ZCCHC2: variants seen among roughly 807,000 people sequenced by gnomAD.
ZCCHC2 encodes the protein zinc finger CCHC-type containing 2, also known as zinc finger CCHC domain-containing protein 2.
Under a neutral mutation model 103.6 loss-of-function variants are expected in ZCCHC2, and 39 were observed. The observed-to-expected ratio is 0.38, with a 90% CI of 0.29 to 0.49. The LOEUF (loss-of-function observed/expected upper bound fraction) is 0.49, where lower values mean the gene tolerates loss of function less well. Ranked by LOEUF, ZCCHC2 falls within the 20% of genes least tolerant of loss-of-function variation. ZCCHC2 has a pLI of 0.96. For missense variants in ZCCHC2, 1,483 were observed against 1,491.0 expected (o/e 0.99, Z 0.09); for synonymous variants, 687 against 608.9 (o/e 1.13, Z -1.89).
chr18:62,568,003 C>G (rs1916446452), intron 11 of ZCCHC2, among the ~76,000 whole-genome samples: 1 of 149,910 alleles, frequency 6.7e-6, no homozygotes. Context: ...TTCTTCCACC[C>G]CACTCTTCTG....
chr18:62,563,704 C>T (rs550018284), intron 9 of ZCCHC2, among the ~76,000 whole-genome samples: 2 of 152,290 alleles, frequency 1.3e-5, no homozygotes, highest in Non-Finnish European at 1.5e-5. Flanking sequence ...ATAATACCTT[C>T]ACTGTTTAAC....
intron 1 of ZCCHC2, among the ~76,000 whole-genome samples, chr18:62,531,726 C>T (rs957439309): frequency 2.7e-5 from 4 of 149,820 alleles, no homozygotes; most frequent in South Asian, 2.1e-4. Context: ...GCAGAGGGAT[C>T]GCTTGAGCCC....
intron 1 of ZCCHC2, among the ~76,000 whole-genome samples, chr18:62,531,059 T>TG (rs1424899313): frequency 6.8e-6 from 1 of 145,996 alleles, no homozygotes; most frequent in African/African-American, 2.5e-5. Context: ...GTTAAGCTAA[T>TG]TTTTTTTTTT....
In ZCCHC2 at chr18:62,523,916, C is replaced by G; in HGVS notation, c.492C>G (p.Phe164Leu). Residue 164 changes from phenylalanine to leucine, a missense_variant, in exon 1 of 14, where the codon TTC becomes TTG. Physicochemically the swap from Phe to Leu is conservative, Grantham distance 22. Around this residue, in one of 3 missense-constraint regions of ZCCHC2, gnomAD observed 568 missense variants for 525.1 expected, o/e 1.08. Coordinates refer to ENST00000269499, the MANE Select transcript of ZCCHC2 (RefSeq NM_017742.6). ...GLSDPGPLAD[F>L]REPAVRSRLI... ...CGGACCCGGGGCCGCTGGCCGACTTCCGAGAGCCCGCGGTGCGCTCGCGCC... is the reference window on the plus strand; with the variant it reads ...CGGACCCGGGGCCGCTGGCCGACTTGCGAGAGCCCGCGGTGCGCTCGCGCC... 1 of 1,534,480 alleles carries G rather than the reference C, an allele frequency of 6.5e-7. No homozygotes were observed. The highest frequency in any genetic ancestry group is 8.7e-7 in the Non-Finnish European group (1 of 1,143,634).
In ZCCHC2 at chr18:62,524,110, A is replaced by G. The variant is rs1424619092; in HGVS notation, c.686A>G (p.Gln229Arg). The change falls in exon 1 of 14, where the codon CAG becomes CGG. Residue 229 changes from glutamine to arginine, a missense_variant. Physicochemically the swap from Gln to Arg is conservative, Grantham distance 43. Transcript: ENST00000269499. ...CGCGGCGAGGACGGCGACGGCGAGC[A>G]GGACGCCGAGAAGGACGGCTCAGGC... Reference protein sequence around the residue: ...DERGEDGDGEQDAEKDGSGPE... With the variant: ...DERGEDGDGERDAEKDGSGPE... 11 of 1,524,442 alleles carry G rather than the reference A, an allele frequency of 7.2e-6. No homozygotes were observed. The highest frequency in any genetic ancestry group is 2.6e-5 in the East Asian group (1 of 38,192). 94.4% of individuals were successfully genotyped at this position (1,524,442 alleles called of 1,614,324 possible). A position where few individuals can be genotyped will look rare whatever the true frequency, so the allele number is the denominator to read the frequency against.
At chr18:62,570,795 C>T (rs777918217) in intron 12 of ZCCHC2, among the ~76,000 whole-genome samples, 5 of 151,970 alleles carry the variant, frequency 3.3e-5, no homozygotes, top group African/African-American at 4.8e-5. Flanking sequence ...TTCATTCTGC[C>T]GATCTCTGCT....
At chr18:62,562,063 C>G (rs1259520468) in intron 8 of ZCCHC2, among the ~76,000 whole-genome samples, 1 of 152,126 alleles carries the variant, frequency 6.6e-6, no homozygotes, top group African/African-American at 2.4e-5. Flanking sequence ...GTGGCGCAGT[C>G]TCAGCTCGCT....
At chr18:62,579,123 G>A (rs1185924470), downstream of ZCCHC2, among the ~76,000 whole-genome samples, 1 of 152,182 alleles carries the variant, frequency 6.6e-6, no homozygotes, top group African/African-American at 2.4e-5. Flanking sequence ...AAGGGGGACT[G>A]CACTCCGTGA....
chr18:62,558,971 A>T (rs1267287643), intron 7 of ZCCHC2, among the ~76,000 whole-genome samples: 1 of 152,264 alleles, frequency 6.6e-6, no homozygotes, highest in Non-Finnish European at 1.5e-5. Flanking sequence ...GTGGACAAAG[A>T]ATAGACCGTT....
chr18:62,533,664 C>G (rs369797892), intron 1 of ZCCHC2, among the ~76,000 whole-genome samples: 2 of 151,962 alleles, frequency 1.3e-5, no homozygotes, highest in East Asian at 1.9e-4. Context: ...GCCAGGAGTT[C>G]GAGACCAGCC....
chr18:62,552,518 T>A (rs1032301814), intron 5 of ZCCHC2: 1 of 152,180 alleles, frequency 6.6e-6, no homozygotes, highest in African/African-American at 2.4e-5. Context: ...GTACTGTATT[T>A]GTAAGTTTGA....
intron 12 of ZCCHC2, among the ~76,000 whole-genome samples, chr18:62,573,040 A>G (rs1255791444): frequency 6.6e-6 from 1 of 152,176 alleles, no homozygotes. Flanking sequence ...AGTAGCTTTC[A>G]TTTAATCTTT....
At chr18:62,579,065 G>A (rs1330261096), downstream of ZCCHC2, among the ~76,000 whole-genome samples, 8 of 152,150 alleles carry the variant, frequency 5.3e-5, no homozygotes, top group African/African-American at 1.7e-4. Context: ...TCCATGCCCG[G>A]CCTCCCAAGT....
intron 12 of ZCCHC2, among the ~76,000 whole-genome samples, chr18:62,573,211 A>G (rs1916659496): frequency 6.6e-6 from 1 of 152,196 alleles, no homozygotes; most frequent in Non-Finnish European, 1.5e-5. Context: ...TAGGCACTAC[A>G]TTTTAATGGA....
chr18:62,573,122 G>A (rs1014872136), intron 12 of ZCCHC2, among the ~76,000 whole-genome samples: 3 of 152,060 alleles, frequency 2.0e-5, no homozygotes, highest in African/African-American at 7.2e-5. Context: ...AATATAAACA[G>A]TTCATACCTT....
rs181860499 is a variant in ZCCHC2 at position 62,543,844 on chromosome 18, T to G, written c.1129-958T>G. 5.5e-3 allele frequency among the ~76,000 whole-genome samples: 819 copies of G among 149,688 alleles called. 9 individuals are homozygous for G. Among genetic ancestry groups the G allele is most frequent in the African/African-American group, 0.019 (761 of 40,578 alleles). On this transcript the variant is annotated intron_variant, in intron 3 of 13. Coordinates refer to ENST00000269499, the MANE Select transcript of ZCCHC2 (RefSeq NM_017742.6). ...TCAGTCAGCGGAGACTTAACTGTCT[T>G]GTCCATTTCTGCATCCCTGACACAA...
At chr18:62,529,028 C>T (rs918598421) in intron 1 of ZCCHC2, among the ~76,000 whole-genome samples, 6 of 151,914 alleles carry the variant, frequency 3.9e-5, no homozygotes, top group African/African-American at 1.5e-4. Context: ...GGCGTGGTGG[C>T]AGGCGCCTGT....
chr18:62,564,354 T>C (rs1012615519), intron 9 of ZCCHC2, among the ~76,000 whole-genome samples: 1 of 152,142 alleles, frequency 6.6e-6, no homozygotes, highest in Admixed American at 6.5e-5. Context: ...CAAAGAAAAA[T>C]AGAAAATAAT....
intron 11 of ZCCHC2, among the ~76,000 whole-genome samples, chr18:62,567,204 A>G (rs1916406977): frequency 6.6e-6 from 1 of 152,176 alleles, no homozygotes; most frequent in Non-Finnish European, 1.5e-5. Context: ...TTTTCTTTGA[A>G]ATATTAAGGC....
Sources: allele counts gnomAD v4.1 joint callset (sites outside exome capture counted in the v4.1 genomes callset), GRCh38; gene constraint gnomAD v4.1.1; regional missense constraint gnomAD v4.1.1; transcripts MANE v1.5; gene names NCBI Gene and HGNC (gene_info 2026-07-23, HGNC 2026-07-21).